Variants in AKAP13 observed in about 807,000 individuals in gnomAD.
AKAP13 encodes the protein A-kinase anchor protein 13.
Under a neutral mutation model 264.5 loss-of-function variants are expected in AKAP13, and 80 were observed. The observed-to-expected ratio is 0.30, with a 90% CI of 0.25 to 0.36. AKAP13 has a LOEUF of 0.36. Among genes scored for constraint, AKAP13 ranks in the 10% least tolerant of loss-of-function variants. The probability of loss-of-function intolerance (pLI) is 1.00; values close to 1 mark genes in which losing one functional copy is unlikely to be tolerated. For missense variants in AKAP13, 3,712 were observed against 3,435.2 expected (o/e 1.08, Z -2.01); for synonymous variants, 1,380 against 1,250.2 (o/e 1.10, Z -2.19).
At chr15:85,647,037 A>C (rs1297503723) in intron 10 of AKAP13, among the ~76,000 whole-genome samples, 1 of 152,082 alleles carries the variant, frequency 6.6e-6, no homozygotes, top group Non-Finnish European at 1.5e-5. Context: ...GAGCTCGGAG[A>C]AGTGGTGAGA....
chr15:85,604,195 A>G (rs1203673683), intron 8 of AKAP13, among the ~76,000 whole-genome samples: 1 of 151,790 alleles, frequency 6.6e-6, no homozygotes, highest in Non-Finnish European at 1.5e-5. Flanking sequence ...TAAATAGGTC[A>G]CTTTAAAAAA....
At chr15:85,622,938 A>G (rs544811977) in intron 8 of AKAP13, among the ~76,000 whole-genome samples, 1 of 152,288 alleles carries the variant, frequency 6.6e-6, no homozygotes, top group South Asian at 2.1e-4. Flanking sequence ...CTTCTTTCTC[A>G]GTGCAGGAAT....
chr15:85,497,853 A>G (rs1159765355), intron 2 of AKAP13, among the ~76,000 whole-genome samples: 1 of 152,156 alleles, frequency 6.6e-6, no homozygotes. Context: ...TTGACCAGGC[A>G]AATAGTAGCA....
At chr15:85,418,701 C>A (rs534003702) in intron 1 of AKAP13, among the ~76,000 whole-genome samples, 1 of 152,236 alleles carries the variant, frequency 6.6e-6, no homozygotes, top group East Asian at 1.9e-4. Flanking sequence ...GGTTGTCTTT[C>A]CCATATTTAC....
At chr15:85,725,333 TA>T (rs1567215534) in intron 26 of AKAP13, among the ~76,000 whole-genome samples, 1 of 151,790 alleles carries the variant, frequency 6.6e-6, no homozygotes, top group Non-Finnish European at 1.5e-5. Context: ...ACACTGATCA[TA>T]TAAACTTCAA....
Position 85,592,172 on chromosome 15 carries a change from G to C in AKAP13, c.4161+6349G>C, listed in dbSNP as rs147197916. Among the ~76,000 whole-genome samples the C allele has an allele frequency of 4.6e-3, 684 of 148,796 alleles. 5 individuals carry two copies. Among genetic ancestry groups the C allele is most frequent in the African/African-American group, 0.016 (659 of 40,444 alleles). ...TCAGGACTGTAGTAAGGGCATTGTT[G>C]GTCTTAGAATATTGCCTGTTAATAT... On this transcript the variant is annotated intron_variant, in intron 8 of 36. Coordinates refer to ENST00000394518, the MANE Select transcript of AKAP13 (RefSeq NM_007200.5).
At chr15:85,532,082 A>G (rs2077259953) in intron 3 of AKAP13, among the ~76,000 whole-genome samples, 1 of 152,194 alleles carries the variant, frequency 6.6e-6, no homozygotes, top group African/African-American at 2.4e-5. Flanking sequence ...TCATCTATAA[A>G]TTGAGAACAA....
At chr15:85,689,123 A>G (rs757939776) in intron 16 of AKAP13, among the ~76,000 whole-genome samples, 20 of 152,158 alleles carry the variant, frequency 1.3e-4, no homozygotes, top group Admixed American at 1.3e-4. Context: ...AGACAAATCT[A>G]TTTGATTTGA....
intron 2 of AKAP13, among the ~76,000 whole-genome samples, chr15:85,504,530 A>AAAAAAAAAAAAAAAAAAAAAG (rs2076142896): frequency 1.6e-5 from 2 of 124,280 alleles, no homozygotes; most frequent in African/African-American, 6.5e-5. Flanking sequence ...AAAAAAAAAA[A>AAAAAAAAAAAAAAAAAAAAAG]AAAAAGAAAA....
At chr15:85,583,110 G>A (rs1181688630) in intron 7 of AKAP13, 4 of 985,322 alleles carry the variant, frequency 4.1e-6, no homozygotes, top group South Asian at 4.7e-5. Flanking sequence ...ACCACCACCT[G>A]TTACCAGCTG....
intron 1 of AKAP13, among the ~76,000 whole-genome samples, chr15:85,462,499 G>C (rs937152878): frequency 2.0e-5 from 3 of 152,160 alleles, no homozygotes; most frequent in African/African-American, 7.2e-5. Flanking sequence ...CAATGCCCAG[G>C]ATACATCTAA....
chr15:85,680,967 G>C (rs1444520526), intron 14 of AKAP13, among the ~76,000 whole-genome samples: 3 of 152,122 alleles, frequency 2.0e-5, no homozygotes. Flanking sequence ...ACAGGCATGC[G>C]CCACCACGCC....
intron 1 of AKAP13, chr15:85,389,860 A>G (rs1403877311): frequency 6.6e-6 from 1 of 152,256 alleles, no homozygotes; most frequent in African/African-American, 2.4e-5. Context: ...CCTGCTAGAC[A>G]GATTCTAAAA....
In AKAP13 at chr15:85,718,837, C is replaced by G. The variant is rs1185974690; in HGVS notation, c.6002-239C>G. Reference sequence around the variant, plus strand: ...ATCGCTTGAGCCCAGGAGGTTGAGGCTGCAATGAGCCATGACTTCAGCCTG... The same window carrying G: ...ATCGCTTGAGCCCAGGAGGTTGAGGGTGCAATGAGCCATGACTTCAGCCTG... On this transcript the variant is annotated intron_variant, in intron 22 of 36. Coordinates refer to ENST00000394518, the MANE Select transcript of AKAP13 (RefSeq NM_007200.5). This position sits in a 1 kb window ranked among gnomAD's most constrained non-coding sequence, Gnocchi z 4.9. 2.5e-5 allele frequency: 12 copies of G among 474,518 alleles called. No homozygotes were observed. The East Asian group carries it at 4.9e-4, about 19-fold the overall frequency. The allele number at this position is 474,518 out of a possible 1,614,324, so 29.4% of individuals were successfully genotyped here. A position where few individuals can be genotyped will look rare whatever the true frequency, so the allele number is the denominator to read the frequency against.
intron 2 of AKAP13, among the ~76,000 whole-genome samples, chr15:85,500,885 T>C (rs1272406249): frequency 6.6e-6 from 1 of 152,220 alleles, no homozygotes; most frequent in Non-Finnish European, 1.5e-5. Flanking sequence ...CCCCATGTGA[T>C]ATACAGAGCA....
At chr15:85,485,267 AAG>A (rs1008739832) in intron 1 of AKAP13, among the ~76,000 whole-genome samples, 5 of 152,176 alleles carry the variant, frequency 3.3e-5, no homozygotes, top group African/African-American at 4.8e-5. Context: ...GGAATTGAGG[AAG>A]AGAGTTCTAG....
At chr15:85,638,031 A>G (rs1463963106) in intron 8 of AKAP13, among the ~76,000 whole-genome samples, 1 of 149,064 alleles carries the variant, frequency 6.7e-6, no homozygotes, top group Non-Finnish European at 1.5e-5. Flanking sequence ...GGCGCCTGCC[A>G]CCATGCCTGG....
intron 3 of AKAP13, among the ~76,000 whole-genome samples, chr15:85,529,641 A>G (rs532814318): frequency 1.1e-4 from 17 of 152,338 alleles, no homozygotes; most frequent in African/African-American, 4.1e-4. Flanking sequence ...GGTTATAGGA[A>G]TTAAAAAATA....
At chr15:85,670,429 C>T (rs2083863062) in intron 14 of AKAP13, among the ~76,000 whole-genome samples, 1 of 150,824 alleles carries the variant, frequency 6.6e-6, no homozygotes, top group South Asian at 2.1e-4. Flanking sequence ...TATAAGAGTA[C>T]CTTATACTCT....
Sources: gnomAD v4.1 joint callset for allele counts (sites outside exome capture counted in the v4.1 genomes callset) on GRCh38, gnomAD v4.1.1 for gene constraint, Gnocchi (gnomAD v3.1) non-coding constraint, MANE v1.5 for transcripts, NCBI Gene and HGNC (gene_info 2026-07-23, HGNC 2026-07-21) for gene names.